GART: variants seen among roughly 807,000 people sequenced by gnomAD.
GART encodes the protein phosphoribosylglycinamide formyltransferase, phosphoribosylglycinamide synthetase, phosphoribosylaminoimidazole synthetase.
GART carries 43 observed loss-of-function variants against 107.2 expected under a neutral mutation model. The observed-to-expected ratio is 0.40, with a 90% CI of 0.31 to 0.52. The LOEUF (loss-of-function observed/expected upper bound fraction) is 0.52, where lower values mean the gene tolerates loss of function less well. Ranked by LOEUF, GART falls within the 20% of genes least tolerant of loss-of-function variation. The pLI is 0.52. For synonymous variants in GART, 434 were observed against 427.0 expected (o/e 1.02, Z -0.20); for missense variants, 1,107 against 1,206.5 (o/e 0.92, Z 1.22).
At chr21:33,522,096 G>A in intron 12 of GART, 92 bp downstream of exon 12, 2 of 968,162 alleles carry the variant, frequency 2.1e-6, no homozygotes, top group Non-Finnish European at 3.2e-6. Flanking sequence ...ACCAAGCATT[G>A]CTTTGGAAAA....
Position 33,520,953 on chromosome 21 carries a change from C to A in GART, c.1456G>T (p.Asp486Tyr). The A allele has an allele frequency of 6.2e-7, 1 of 1,614,086 alleles. No homozygotes were observed. The highest frequency in any genetic ancestry group is 8.5e-7 in the Non-Finnish European group (1 of 1,179,996). Reference sequence around the variant, plus strand: ...TCTGTTCCAGAGGCCAGAAGGGGATCTTTGAAACCAGCTGCTTTTAAATCA... The same window carrying A: ...TCTGTTCCAGAGGCCAGAAGGGGATATTTGAAACCAGCTGCTTTTAAATCA... ...LFDLKAAGFK[D>Y]PLLASGTDGV... Residue 486 changes from aspartate to tyrosine, a missense_variant, in exon 13 of 22, where the codon GAT (aspartate) becomes TAT (tyrosine). Coordinates refer to ENST00000381815, the MANE Select transcript of GART (RefSeq NM_000819.5).
At chr21:33,535,413 A>G (rs1569035583) in intron 2 of GART, 93 bp from the exon 3 acceptor site, 7 of 685,710 alleles carry the variant, frequency 1.0e-5, no homozygotes, top group Non-Finnish European at 1.2e-5. Flanking sequence ...ACTAAGTTCT[A>G]TACTTTAGTA....
In GART at chr21:33,505,587, G is replaced by C. The variant is rs2084664228; in HGVS notation, c.2699C>G (p.Ser900Cys). 1 of 1,599,012 alleles carries C rather than the reference G, an allele frequency of 6.3e-7. No individual in the cohort carries two copies. The change falls in exon 20 of 22, where the codon TCT becomes TGT. Residue 900 changes from serine to cysteine, a missense_variant. Transcript: ENST00000381815. ...VCLAGFMRIL[S>C]GPFVQKWNGK... ...ATTCCACTTTTGGACAAAGGGGCCA[G>C]AAAGAATTCTCATGAATCCTGCAAG...
chr21:33,539,495 C>A (rs2085369146), intron 1 of GART, 139 bp from the exon 2 acceptor site: 1 of 512,636 alleles, frequency 2.0e-6, no homozygotes. Flanking sequence ...GAGTTTGAGA[C>A]CAGCCTTGGC....
chr21:33,523,841 C>A (rs2085016716), intron 11 of GART, among the ~76,000 whole-genome samples: 1 of 151,976 alleles, frequency 6.6e-6, no homozygotes, highest in South Asian at 2.1e-4. Context: ...GTGGCAGGCA[C>A]CTGTAATCCC....
Position 33,524,961 on chromosome 21 carries a change from T to C in GART, c.1106A>G (p.His369Arg), listed in dbSNP as rs1451666567. 1 of 1,614,240 alleles carries C rather than the reference T, an allele frequency of 6.2e-7. No homozygotes were observed. The highest frequency in any genetic ancestry group is 1.7e-5 in the Admixed American group (1 of 60,022). The change falls in exon 11 of 22, where the codon CAT becomes CGT. Residue 369 changes from histidine (H) to arginine (R), a missense_variant. Coordinates refer to ENST00000381815, the MANE Select transcript of GART (RefSeq NM_000819.5). ...EAQALGLEVFHAGTALKNGKV... is the reference protein window; with the variant it reads ...EAQALGLEVFRAGTALKNGKV... ...GCCATTTTTGAGGGCAGTGCCTGCATGGAACACCTCCAGTCCTAGAGCTTG... is the reference window on the plus strand; with the variant it reads ...GCCATTTTTGAGGGCAGTGCCTGCACGGAACACCTCCAGTCCTAGAGCTTG...
rs140192894 is a variant in GART, at chr21:33,520,373, C to T, written c.1693G>A (p.Ala565Thr). The stretch of plus-strand genomic sequence containing the variant: ...AAATGGCTGATCATACCAAGGAGAG[C>T]ACATCCAGCTTTTCCACAAGCTTTA... Reference protein sequence around the residue: ...IAKACGKAGCALLGGETAEMP... With the variant: ...IAKACGKAGCTLLGGETAEMP... The change falls in exon 14 of 22, where the codon GCT becomes ACT. Residue 565 changes from alanine to threonine, a missense_variant. Transcript: ENST00000381815. 8 of 1,613,850 alleles carry T rather than the reference C, an allele frequency of 5.0e-6. No homozygotes were observed. In the African/African-American group the frequency reaches 9.3e-5, roughly 19 times the overall value.
In GART at chr21:33,520,888, A is replaced by C. The variant is rs2084960722; in HGVS notation, c.1503+18T>G. On this transcript the variant is annotated intron_variant, in intron 13 of 21. Transcript: ENST00000381815. The stretch of plus-strand genomic sequence containing the variant: ...CATCTTTCCTAAAAGGCCTTTATTC[A>C]CAAAGGTGTCTGATTACCTTTAGTT... 6.5e-7 allele frequency: 1 copy of C among 1,547,036 alleles called. No individual in the cohort carries two copies. The highest frequency in any genetic ancestry group is 1.4e-5 in the African/African-American group (1 of 72,676).
At chr21:33,528,636 A>C (rs1237026042) in intron 8 of GART, 32 bp from the exon 9 acceptor site, 2 of 1,355,216 alleles carry the variant, frequency 1.5e-6, no homozygotes, top group Non-Finnish European at 1.0e-6. Context: ...AAAAAAAGAG[A>C]GAAAGAAAAT....
In GART at chr21:33,504,576, T is replaced by C; in HGVS notation, c.2726-49A>G. 2.2e-6 allele frequency: 3 copies of C among 1,358,782 alleles called. No individual in the cohort carries two copies. In the South Asian group the frequency reaches 3.5e-5, roughly 16 times the overall value. The allele number at this position is 1,358,782 out of a possible 1,614,324, so 84.2% of individuals were successfully genotyped here. ...GGTCAGAATTTAAAAATCCTGGGTA[T>C]TCTGTTAAAGGAATACGTTTTCCTA... is the stretch of plus-strand genomic sequence containing the variant. On this transcript the variant is annotated intron_variant, in intron 20 of 21. Transcript: ENST00000381815.
At chr21:33,515,667 A>G (rs1300931828) in intron 16 of GART, among the ~76,000 whole-genome samples, 1 of 150,942 alleles carries the variant, frequency 6.6e-6, no homozygotes, top group Admixed American at 6.6e-5. Context: ...AAAAAAAAAA[A>G]AAAAAAAACG....
chr21:33,541,394 A>G (rs2145778882), intron 1 of GART, among the ~76,000 whole-genome samples: 1 of 152,334 alleles, frequency 6.6e-6, no homozygotes, highest in African/African-American at 2.4e-5. Context: ...TGGTCAACCC[A>G]CCTTGGCCTC....
chr21:33,536,599 T>C (rs1234611058), intron 2 of GART, among the ~76,000 whole-genome samples: 3 of 152,200 alleles, frequency 2.0e-5, no homozygotes, highest in African/African-American at 7.2e-5. Context: ...AAGTTTAATT[T>C]ACAAATTAGG....
chr21:33,539,253 A>C lies in GART; in HGVS notation c.63T>G (p.Leu21=). 1.2e-6 allele frequency: 2 copies of C among 1,614,198 alleles called. No homozygotes were observed. Among genetic ancestry groups the C allele is most frequent in the Non-Finnish European group, 1.7e-6 (2 of 1,180,014 alleles). ...CTTGTTTGACATGATGAGACTGTGC[A>C]AGTTTCCAGGCCAGCGTATGTTCCC... is the stretch of plus-strand genomic sequence containing the variant. ...GGREHTLAWK[L]AQSHHVKQVL... Residue 21 remains leucine, a synonymous_variant, in exon 2 of 22, where the codon CTT becomes CTG. Transcript: ENST00000381815.
At chr21:33,528,768 AAAAAG>A in intron 8 of GART, 77 bp downstream of exon 8, 1 of 1,204,348 alleles carries the variant, frequency 8.3e-7, no homozygotes. Context: ...AAAAAAAAAA[AAAAAG>A]GGAATGGAAA....
At chr21:33,511,598 G>T (rs1260160413) in intron 16 of GART, 140 bp from the exon 17 acceptor site, 3 of 843,566 alleles carry the variant, frequency 3.6e-6, no homozygotes, top group Non-Finnish European at 5.5e-6. Context: ...TGGCCTCTGA[G>T]AACTTTTTAT....
intron 2 of GART, among the ~76,000 whole-genome samples, chr21:33,538,241 CAAAAAAAA>C (rs397866694): frequency 1.1e-5 from 1 of 88,408 alleles, no homozygotes; most frequent in Non-Finnish European, 2.2e-5. Context: ...GACTCTGTCT[CAAAAAAAA>C]AAAAAAAAAA....
intron 1 of GART, among the ~76,000 whole-genome samples, chr21:33,541,496 A>T (rs2085423438): frequency 6.6e-6 from 1 of 152,228 alleles, no homozygotes; most frequent in African/African-American, 2.4e-5. Flanking sequence ...ATATAGCAGT[A>T]GTGTGGGAAA....
At chr21:33,528,756 TAAAAA>T in intron 8 of GART, 89 bp downstream of exon 8, 19 of 801,690 alleles carry the variant, frequency 2.4e-5, no homozygotes, top group South Asian at 6.2e-5. Context: ...TAAAAAGTGG[TAAAAA>T]AAAAAAAAAA....
Sources: allele counts gnomAD v4.1 joint callset (sites outside exome capture counted in the v4.1 genomes callset), GRCh38; gene constraint gnomAD v4.1.1; transcripts MANE v1.5; gene names NCBI Gene and HGNC (gene_info 2026-07-23, HGNC 2026-07-21).